Variants in COL21A1 observed in about 807,000 individuals in gnomAD.
The protein encoded by COL21A1 is collagen type XXI alpha 1 chain.
COL21A1 carries 149 observed loss-of-function variants against 137.9 expected under a neutral mutation model. The ratio of observed to expected loss-of-function variants is 1.08; its 90% CI spans 0.95 to 1.24. The LOEUF is 1.24. COL21A1 is among the 50% of genes most tolerant of loss of function. The pLI is 0.00. For missense variants in COL21A1, 1,167 were observed against 1,158.4 expected (o/e 1.01, Z -0.11); for synonymous variants, 456 against 391.5 (o/e 1.16, Z -1.95).
intron 1 of COL21A1, among the ~76,000 whole-genome samples, chr6:56,287,292 G>A (rs543306983): frequency 1.3e-5 from 2 of 152,242 alleles, no homozygotes; most frequent in African/African-American, 2.4e-5. Context: ...AAAAATGTCC[G>A]TGTCCTAATC....
chr6:56,357,771 G>A (rs1326562372), intron 1 of COL21A1, among the ~76,000 whole-genome samples: 3 of 152,162 alleles, frequency 2.0e-5, no homozygotes, highest in African/African-American at 7.2e-5. Context: ...ACCTTCTGCT[G>A]ACACCTCAAG....
intron 12 of COL21A1, among the ~76,000 whole-genome samples, chr6:56,139,585 T>C (rs1207987604): frequency 6.6e-6 from 1 of 152,170 alleles, no homozygotes; most frequent in East Asian, 1.9e-4. Flanking sequence ...GTAATTTTTG[T>C]TTGGTCTTCA....
Position 56,206,024 on chromosome 6 carries a change from A to C in COL21A1, c.-38-23368T>G, listed in dbSNP as rs566706230. 1.3e-3 allele frequency among the ~76,000 whole-genome samples: 193 copies of C among 152,326 alleles called. 1 individual carries two copies. Among genetic ancestry groups the C allele is most frequent in the Middle Eastern group, 3.4e-3 (1 of 294 alleles). On this transcript the variant is annotated intron_variant, in intron 1 of 29. Coordinates refer to ENST00000244728, the MANE Select transcript of COL21A1 (RefSeq NM_030820.4). ...GGAAAAACTGGTAGCAGCCACTGCA[A>C]AAACAAACCAAATTGTAAAGACCAT...
intron 1 of COL21A1, among the ~76,000 whole-genome samples, chr6:56,313,264 G>T (rs1257174075): frequency 2.6e-5 from 4 of 151,968 alleles, no homozygotes; most frequent in African/African-American, 9.7e-5. Flanking sequence ...AAAAAGATAG[G>T]GATGGAGCAG....
At chr6:56,275,880 A>G (rs2152333147) in intron 1 of COL21A1, among the ~76,000 whole-genome samples, 2 of 152,308 alleles carry the variant, frequency 1.3e-5, no homozygotes, top group South Asian at 4.1e-4. Flanking sequence ...GGGTACATGA[A>G]GAAAGAAAAA....
chr6:56,175,697 C>G (rs1369947142), intron 3 of COL21A1, among the ~76,000 whole-genome samples: 1 of 151,934 alleles, frequency 6.6e-6, no homozygotes, highest in Non-Finnish European at 1.5e-5. Context: ...TTAAAAAGTC[C>G]ATACTGCCTA....
At chr6:56,219,020 T>C (rs1780656063) in intron 1 of COL21A1, among the ~76,000 whole-genome samples, 1 of 152,022 alleles carries the variant, frequency 6.6e-6, no homozygotes, top group Non-Finnish European at 1.5e-5. Context: ...GGGTGCCTCA[T>C]GAGCTGAGCA....
intron 3 of COL21A1, 30 bp downstream of exon 3, chr6:56,179,548 C>T (rs1777738091): frequency 2.0e-6 from 3 of 1,529,462 alleles, no homozygotes; most frequent in African/African-American, 2.8e-5. Flanking sequence ...TAATTGCTTC[C>T]AAATTATATT....
intron 1 of COL21A1, among the ~76,000 whole-genome samples, chr6:56,209,540 A>T (rs1188943177): frequency 1.3e-5 from 2 of 152,216 alleles, no homozygotes; most frequent in African/African-American, 4.8e-5. Flanking sequence ...GCTCATCATC[A>T]CTGGTCTTTA....
At chr6:56,303,138 T>G (rs1040158702) in intron 1 of COL21A1, among the ~76,000 whole-genome samples, 1 of 152,220 alleles carries the variant, frequency 6.6e-6, no homozygotes, top group South Asian at 2.1e-4. Flanking sequence ...TGTAGCCTTG[T>G]AGTATAGTTT....
intron 1 of COL21A1, among the ~76,000 whole-genome samples, chr6:56,343,982 C>T (rs56307430): frequency 0.03 from 4,509 of 152,178 alleles, 105 homozygotes; most frequent in Non-Finnish European, 0.047. Context: ...GAAGTTGAGA[C>T]AGTGATGGAT....
intron 1 of COL21A1, among the ~76,000 whole-genome samples, chr6:56,359,029 T>C (rs967005079): frequency 2.0e-5 from 3 of 151,052 alleles, no homozygotes; most frequent in African/African-American, 7.2e-5. Context: ...TATTGAATAA[T>C]TTTTCTCAAA....
Position 56,111,829 on chromosome 6 carries a change from G to A in COL21A1, c.1759-10304C>T, listed in dbSNP as rs374660687. The stretch of plus-strand genomic sequence containing the variant: ...GCAGAGGTTGCAGTAAGCCAAGATC[G>A]TGCCATTGCACTTCAGCCTGGGTGT... On this transcript the variant is annotated intron_variant, in intron 16 of 29. Transcript: ENST00000244728. Among the ~76,000 whole-genome samples the A allele has an allele frequency of 1.0e-3, 156 of 151,986 alleles. 4 individuals carry two copies. The highest frequency in any genetic ancestry group is 2.8e-3 in the African/African-American group (118 of 41,454).
chr6:56,314,704 T>C (rs1764691913), intron 1 of COL21A1, among the ~76,000 whole-genome samples: 1 of 152,194 alleles, frequency 6.6e-6, no homozygotes, highest in Non-Finnish European at 1.5e-5. Flanking sequence ...AACTTTGGAT[T>C]TCCTATCAGA....
chr6:56,067,937 C>T (rs1056992622), intron 22 of COL21A1, among the ~76,000 whole-genome samples: 1 of 151,556 alleles, frequency 6.6e-6, no homozygotes, highest in African/African-American at 2.4e-5. Context: ...AACTTGGACA[C>T]GGTTTCCAAA....
intron 16 of COL21A1, among the ~76,000 whole-genome samples, chr6:56,116,273 C>T (rs958980927): frequency 5.3e-5 from 8 of 151,156 alleles, no homozygotes; most frequent in Non-Finnish European, 8.9e-5. Flanking sequence ...AAGCAGCAAA[C>T]GACAAAAATA....
chr6:56,303,378 G>C (rs9370515), intron 1 of COL21A1, among the ~76,000 whole-genome samples: 127,444 of 151,140 alleles, frequency 0.84, 55,707 homozygotes, highest in South Asian at 0.97. Flanking sequence ...GAATGTTCTT[G>C]CATTTGTTTG....
At position 56,141,757 on chromosome 6, in the gene COL21A1, C is replaced by A. The variant is rs370517603; in HGVS notation, c.1542+28G>T. 2.5e-6 allele frequency: 4 copies of A among 1,609,754 alleles called. No individual in the cohort carries two copies. The African/African-American group carries it at 4.0e-5, about 16-fold the overall frequency. On this transcript the variant is annotated intron_variant, in intron 12 of 29. Transcript: ENST00000244728. ...TCCTTTATCTTTGAGGGACTAACAC[C>A]ATTGATTGCATTTTTGTGTGTGTTT... is the stretch of plus-strand genomic sequence containing the variant.
At chr6:56,148,368 G>GAGAGAGAGAGAGAGAGAGAGAGAGAA (rs1208798741) in intron 10 of COL21A1, among the ~76,000 whole-genome samples, 10 of 150,226 alleles carry the variant, frequency 6.7e-5, no homozygotes, top group African/African-American at 2.5e-4. Flanking sequence ...GAGAGAGAGA[G>GAGAGAGAGAGAGAGAGAGAGAGAGAA]AAACACATAA....
Sources: gnomAD v4.1 joint callset for allele counts (sites outside exome capture counted in the v4.1 genomes callset) on GRCh38, gnomAD v4.1.1 for gene constraint, MANE v1.5 for transcripts, NCBI Gene and HGNC (gene_info 2026-07-23, HGNC 2026-07-21) for gene names.